The following PLPP4 variants were observed in gnomAD, a reference collection of about 807,000 sequenced individuals.
PLPP4 encodes diacylglycerol pyrophosphate like 2.
PLPP4 carries 20 observed loss-of-function variants against 32.2 expected under a neutral mutation model. That is an observed-to-expected ratio of 0.62 (90% CI 0.44 to 0.90). The LOEUF is 0.90. Ranked by LOEUF, PLPP4 falls within the 40% of genes least tolerant of loss-of-function variation. The pLI is 0.00. For synonymous variants in PLPP4, 127 were observed against 133.0 expected, an observed-to-expected ratio of 0.95 and a Z score of 0.31; for missense variants, 257 against 353.1, an observed-to-expected ratio of 0.73 and a Z score of 2.18.
chr10:120,485,043 G>T (rs937550517), intron 1 of PLPP4, among the ~76,000 whole-genome samples: 1 of 152,214 alleles, frequency 6.6e-6, no homozygotes, highest in Non-Finnish European at 1.5e-5. Context: ...GCTGGAAAAG[G>T]CAAGGAAGTA....
upstream of PLPP4, chr10:120,457,023 G>C (rs1847806909): frequency 5.9e-6 from 1 of 168,820 alleles, no homozygotes; most frequent in African/African-American, 2.4e-5. Flanking sequence ...CCTGGGGAGA[G>C]GGATCCGGGA....
intron 1 of PLPP4, among the ~76,000 whole-genome samples, chr10:120,458,036 C>T (rs570298561): frequency 2.0e-5 from 3 of 152,316 alleles, no homozygotes; most frequent in East Asian, 3.9e-4. Flanking sequence ...GCGGCTGGCA[C>T]TGAGAACAGC....
chr10:120,464,347 GTTA>G (rs373174051), intron 1 of PLPP4, among the ~76,000 whole-genome samples: 2 of 152,304 alleles, frequency 1.3e-5, no homozygotes, highest in East Asian at 1.9e-4. Flanking sequence ...AAATGGTGAT[GTTA>G]TTATTATTAT....
intron 4 of PLPP4, among the ~76,000 whole-genome samples, chr10:120,520,462 A>G (rs1846104271): frequency 6.6e-6 from 1 of 152,246 alleles, no homozygotes; most frequent in Admixed American, 6.5e-5. Flanking sequence ...CGTTCTCTTC[A>G]GGCTGAGACC....
intron 5 of PLPP4, among the ~76,000 whole-genome samples, chr10:120,539,284 C>T (rs1847224718): frequency 6.6e-6 from 1 of 152,206 alleles, no homozygotes; most frequent in African/African-American, 2.4e-5. Context: ...GATATGGTCA[C>T]AGGTCAGGTC....
chr10:120,568,082 A>T (rs577407533), intron 5 of PLPP4, among the ~76,000 whole-genome samples: 1 of 152,254 alleles, frequency 6.6e-6, no homozygotes, highest in Non-Finnish European at 1.5e-5. Flanking sequence ...AGTTACAAAA[A>T]TAAGGACCTG....
At chr10:120,481,974 A>G (rs1844227254) in intron 1 of PLPP4, among the ~76,000 whole-genome samples, 3 of 152,196 alleles carry the variant, frequency 2.0e-5, no homozygotes, top group Non-Finnish European at 4.4e-5. Context: ...GCTACCATCC[A>G]TGTAAGACAT....
intron 1 of PLPP4, among the ~76,000 whole-genome samples, chr10:120,490,136 C>T (rs1844649572): frequency 6.6e-6 from 1 of 152,180 alleles, no homozygotes; most frequent in Non-Finnish European, 1.5e-5. Flanking sequence ...AGCTCAACCT[C>T]AGTCATAAAG....
chr10:120,566,843 C>T (rs191615924), intron 5 of PLPP4, among the ~76,000 whole-genome samples: 45 of 152,356 alleles, frequency 3.0e-4, no homozygotes, highest in African/African-American at 4.3e-4. Flanking sequence ...GCGTGAGCCA[C>T]GGCACCTGGC....
At chr10:120,567,830 T>A (rs897492285) in intron 5 of PLPP4, among the ~76,000 whole-genome samples, 1 of 152,200 alleles carries the variant, frequency 6.6e-6, no homozygotes, top group Non-Finnish European at 1.5e-5. Context: ...ATAAAATATA[T>A]CTTTCTAAAT....
chr10:120,586,850 G>A lies in PLPP4; in HGVS notation c.617-2453G>A, dbSNP rs1398549904. On this transcript the variant is annotated intron_variant, in intron 6 of 6. Coordinates refer to ENST00000398250, the MANE Select transcript of PLPP4 (RefSeq NM_001030059.3). ...GGACTATTAACATGTGTAACTGGGA[G>A]ACTTGGTCTAGTCTGGAGGTCAGAT... Among the ~76,000 whole-genome samples, 4 of 152,134 alleles carry A rather than the reference G, an allele frequency of 2.6e-5. No homozygotes were observed. The East Asian group carries it at 7.7e-4, about 29-fold the overall frequency.
At chr10:120,531,689 T>C (rs1393317394) in intron 5 of PLPP4, among the ~76,000 whole-genome samples, 1 of 152,184 alleles carries the variant, frequency 6.6e-6, no homozygotes, top group Non-Finnish European at 1.5e-5. Flanking sequence ...ATGACTTTCC[T>C]TTCACTATCA....
At chr10:120,520,828 G>C in intron 4 of PLPP4, 143 bp from the exon 5 acceptor site, 1 of 1,011,740 alleles carries the variant, frequency 9.9e-7, no homozygotes, top group South Asian at 1.5e-5. Flanking sequence ...GCTGTGTCTA[G>C]AGTATTCTGT....
intron 2 of PLPP4, among the ~76,000 whole-genome samples, chr10:120,511,230 TC>T (rs957271369): frequency 2.0e-5 from 3 of 152,190 alleles, no homozygotes; most frequent in Non-Finnish European, 4.4e-5. Context: ...CACTGGGCCA[TC>T]AGGCCATGAG....
At chr10:120,555,456 A>G (rs1211438208) in intron 5 of PLPP4, among the ~76,000 whole-genome samples, 1 of 152,192 alleles carries the variant, frequency 6.6e-6, no homozygotes, top group African/African-American at 2.4e-5. Flanking sequence ...ACTCATCTGG[A>G]AAGACTGAAC....
At chr10:120,523,290 G>A (rs2133915244) in intron 5 of PLPP4, among the ~76,000 whole-genome samples, 1 of 151,634 alleles carries the variant, frequency 6.6e-6, no homozygotes, top group South Asian at 2.1e-4. Flanking sequence ...AACAGAGTGA[G>A]ACTCCATCTC....
chr10:120,482,874 T>C (rs1844273305), intron 1 of PLPP4, among the ~76,000 whole-genome samples: 1 of 152,114 alleles, frequency 6.6e-6, no homozygotes, highest in African/African-American at 2.4e-5. Flanking sequence ...ATCGCACCAC[T>C]GCACTCCAGC....
At chr10:120,568,996 TG>T (rs1848809260) in intron 5 of PLPP4, among the ~76,000 whole-genome samples, 1 of 152,110 alleles carries the variant, frequency 6.6e-6, no homozygotes, top group African/African-American at 2.4e-5. Flanking sequence ...CCTAGCACTT[TG>T]GGAGGCCAAG....
intron 5 of PLPP4, among the ~76,000 whole-genome samples, chr10:120,546,380 A>G (rs1259514561): frequency 1.3e-5 from 2 of 152,106 alleles, no homozygotes; most frequent in Non-Finnish European, 2.9e-5. Context: ...CAGTGGCACC[A>G]GAAGTCCTCA....
Sources: gnomAD v4.1 joint callset for allele counts (sites outside exome capture counted in the v4.1 genomes callset) on GRCh38, gnomAD v4.1.1 for gene constraint, MANE v1.5 for transcripts, NCBI Gene and HGNC (gene_info 2026-07-23, HGNC 2026-07-21) for gene names.